Variants in TTL observed in about 807,000 individuals in gnomAD.
TTL encodes the protein tubulin--tyrosine ligase.
Under a neutral mutation model 41.1 loss-of-function variants are expected in TTL, and 10 were observed. The ratio of observed to expected loss-of-function variants is 0.24; its 90% CI spans 0.15 to 0.41. TTL has a LOEUF of 0.41. Ranked by LOEUF, TTL falls within the 10% of genes least tolerant of loss-of-function variation. The probability of loss-of-function intolerance (pLI) is 1.00; values close to 1 mark genes in which losing one functional copy is unlikely to be tolerated. For missense variants in TTL, 367 were observed against 460.4 expected, an observed-to-expected ratio of 0.80 and a Z score of 1.86; for synonymous variants, 175 against 175.5, an observed-to-expected ratio of 1.00 and a Z score of 0.02.
intron 2 of TTL, among the ~76,000 whole-genome samples, chr2:112,491,206 T>C (rs926291010): frequency 1.3e-5 from 2 of 152,064 alleles, no homozygotes; most frequent in Admixed American, 1.3e-4. Context: ...TTAGCCAGGA[T>C]GGTCTTGATC....
rs1271859105 is a variant in TTL, at chr2:112,540,648, A to C, written c.*11853A>C. On this transcript the variant is annotated 3_prime_UTR_variant, in exon 7 of 7. Coordinates refer to ENST00000233336, the MANE Select transcript of TTL (RefSeq NM_153712.5). ...AATGTAGATAGACATACAGATCAAG[A>C]GAATAGAACTGAGAGTCAAAAATAA... The C allele has an allele frequency of 6.6e-6, 1 of 152,234 alleles. No homozygotes were observed. Among genetic ancestry groups the C allele is most frequent in the Admixed American group, 6.5e-5 (1 of 15,288 alleles). The allele number at this position is 152,234 out of a possible 1,614,324, so 9.4% of individuals were successfully genotyped here. A position where few individuals can be genotyped will look rare whatever the true frequency, so the allele number is the denominator to read the frequency against.
intron 5 of TTL, among the ~76,000 whole-genome samples, chr2:112,512,962 A>T (rs1681964300): frequency 6.8e-6 from 1 of 147,088 alleles, no homozygotes. Context: ...ATTTTTTTTT[A>T]GTGCTTTTTT....
At chr2:112,513,586 C>G (rs1270619045) in intron 5 of TTL, among the ~76,000 whole-genome samples, 1 of 147,804 alleles carries the variant, frequency 6.8e-6, no homozygotes, top group Non-Finnish European at 1.5e-5. Flanking sequence ...AATATTTATA[C>G]AAGTATAAAT....
At chr2:112,503,758 G>A (rs1478470072) in intron 5 of TTL, among the ~76,000 whole-genome samples, 1 of 137,984 alleles carries the variant, frequency 7.2e-6, no homozygotes, top group African/African-American at 2.6e-5. Context: ...ACACGTTGAT[G>A]AAAAGTACAA....
chr2:112,520,298 G>T lies in TTL; in HGVS notation c.892G>T (p.Val298Leu), dbSNP rs145289543. ...KHIIRNCLLS[V>L]EPAISTKHLP... is the part of the protein sequence containing the mutation. ...GCCTCATAGGAACTGCCTCCTGAGC[G>T]TGGAGCCTGCCATTAGCACCAAGCA... Residue 298 changes from valine to leucine, a missense_variant, in exon 6 of 7, where the codon GTG (valine) becomes TTG (leucine). By Grantham distance (32) the Val-to-Leu change is conservative (BLOSUM62 1). Transcript: ENST00000233336. The T allele has an allele frequency of 6.2e-7, 1 of 1,614,028 alleles. No individual in the cohort carries two copies. The highest frequency in any genetic ancestry group is 8.5e-7 in the Non-Finnish European group (1 of 1,179,990).
chr2:112,509,300 C>G (rs1273981802), intron 5 of TTL, among the ~76,000 whole-genome samples: 1 of 150,436 alleles, frequency 6.6e-6, no homozygotes, highest in African/African-American at 2.4e-5. Flanking sequence ...GAGGTGGAGC[C>G]TACAGAGGCA....
chr2:112,509,274 C>T (rs1441337299), intron 5 of TTL, among the ~76,000 whole-genome samples: 1 of 147,752 alleles, frequency 6.8e-6, no homozygotes, highest in East Asian at 2.1e-4. Flanking sequence ...TTTTGTTTGT[C>T]TGTGCCCTGC....
intron 3 of TTL, among the ~76,000 whole-genome samples, chr2:112,500,865 T>C (rs899602773): frequency 4.7e-5 from 7 of 150,260 alleles, no homozygotes; most frequent in Non-Finnish European, 8.9e-5. Flanking sequence ...GGATTTATTG[T>C]TGTTATAGTC....
chr2:112,540,318 TCTCA>T lies in TTL; in HGVS notation c.*11524_*11527del, dbSNP rs1682689096. ...CAGGCATGGTGGTGCATGCCTGTAA[TCTCA>T]GCTATTTGGGAGGCTGAGGCAGGAG... On this transcript the variant is annotated 3_prime_UTR_variant, in exon 7 of 7. Coordinates refer to ENST00000233336, the MANE Select transcript of TTL (RefSeq NM_153712.5). 6.6e-6 allele frequency: 1 copy of T among 151,800 alleles called. No individual in the cohort carries two copies. Among genetic ancestry groups the T allele is most frequent in the Non-Finnish European group, 1.5e-5 (1 of 68,030 alleles). 9.4% of individuals were successfully genotyped at this position (151,800 alleles called of 1,614,324 possible).
intron 3 of TTL, among the ~76,000 whole-genome samples, chr2:112,498,396 A>G (rs561634881): frequency 6.6e-6 from 1 of 152,186 alleles, no homozygotes; most frequent in Non-Finnish European, 1.5e-5. Context: ...TATAAATTTA[A>G]CAAGACATGT....
At position 112,534,814 on chromosome 2, in the gene TTL, A is replaced by G. The variant is rs1408392426; in HGVS notation, c.*6019A>G. The stretch of plus-strand genomic sequence containing the variant: ...TATTCCTAAGAATGCAGAAGGCCAC[A>G]CACATGTGTAGGACTGTGCACATGC... On this transcript the variant is annotated 3_prime_UTR_variant, in exon 7 of 7. Transcript: ENST00000233336. The G allele has an allele frequency of 6.6e-6, 1 of 152,212 alleles. No homozygotes were observed. The highest frequency in any genetic ancestry group is 1.5e-5 in the Non-Finnish European group (1 of 68,042). 9.4% of individuals were successfully genotyped at this position (152,212 alleles called of 1,614,324 possible).
rs1682430175 is a variant in TTL, at chr2:112,528,746, C to A, written c.1085C>A (p.Pro362Gln). ...GCCATTTCCAGTGTCTTCCCACCCC[C>A]AGATGTGGAGCAACCTCAGACCCAG... ...DIAISSVFPP[P>Q]DVEQPQTQPA... Residue 362 changes from proline (P) to glutamine (Q), a missense_variant, in exon 7 of 7, where the codon CCA (proline) becomes CAA (glutamine). Physicochemically the swap from Pro to Gln is moderately conservative, Grantham distance 76. Coordinates refer to ENST00000233336, the MANE Select transcript of TTL (RefSeq NM_153712.5). 1.2e-6 allele frequency: 2 copies of A among 1,614,176 alleles called. No individual in the cohort carries two copies. Among genetic ancestry groups the A allele is most frequent in the Non-Finnish European group, 1.7e-6 (2 of 1,180,016 alleles).
chr2:112,527,211 T>C (rs1043939783), intron 6 of TTL, among the ~76,000 whole-genome samples: 8 of 152,246 alleles, frequency 5.3e-5, no homozygotes, highest in African/African-American at 1.9e-4. Flanking sequence ...CTTCCAATTA[T>C]GTGGTCGCTT....
chr2:112,519,704 T>C (rs1161114871), intron 5 of TTL, among the ~76,000 whole-genome samples: 1 of 152,130 alleles, frequency 6.6e-6, no homozygotes, highest in Non-Finnish European at 1.5e-5. Flanking sequence ...GAGGCCACAA[T>C]GACTCGGCAC....
rs1682575049 is a variant in TTL at position 112,535,053 on chromosome 2, T to C, written c.*6258T>C. 7.1e-6 allele frequency: 1 copy of C among 139,978 alleles called. No individual in the cohort carries two copies. The highest frequency in any genetic ancestry group is 1.6e-5 in the Non-Finnish European group (1 of 63,468). The allele number at this position is 139,978 out of a possible 1,614,324, so 8.7% of individuals were successfully genotyped here. ...GGAGGGAGGGAAGAAAAGAGAAAGA[T>C]TGAGAAAGAAAAAAGAGAAAGAAGA... On this transcript the variant is annotated 3_prime_UTR_variant, in exon 7 of 7. Transcript: ENST00000233336.
intron 2 of TTL, among the ~76,000 whole-genome samples, chr2:112,491,242 C>T (rs896043534): frequency 2.0e-5 from 3 of 152,208 alleles, no homozygotes; most frequent in African/African-American, 7.2e-5. Flanking sequence ...CCGCCTGCCT[C>T]AGCCTCCCAA....
intron 6 of TTL, among the ~76,000 whole-genome samples, chr2:112,524,491 C>T (rs536925450): frequency 9.3e-4 from 142 of 152,314 alleles, no homozygotes; most frequent in African/African-American, 3.2e-3. Context: ...ACCATTCTAA[C>T]TGGTGTGAGA....
chr2:112,513,517 G>A (rs1279354643), intron 5 of TTL, among the ~76,000 whole-genome samples: 2 of 151,320 alleles, frequency 1.3e-5, no homozygotes, highest in Admixed American at 6.6e-5. Flanking sequence ...CTGAGAATGT[G>A]TTTATTTCAC....
rs984536914 is a variant in TTL at position 112,482,245 on chromosome 2, G to T, written c.-100G>T. 1.1e-6 allele frequency: 1 copy of T among 900,442 alleles called. No homozygotes were observed. The highest frequency in any genetic ancestry group is 1.3e-6 in the Non-Finnish European group (1 of 755,790). The allele number at this position is 900,442 out of a possible 1,614,324, so 55.8% of individuals were successfully genotyped here. On this transcript the variant is annotated 5_prime_UTR_variant, in exon 1 of 7. Transcript: ENST00000233336. This position sits in a 1 kb window ranked among gnomAD's most constrained non-coding sequence, Gnocchi z 5.3. The stretch of plus-strand genomic sequence containing the variant: ...AGCCGGCGCGGGCGGCGGGGGCCGG[G>T]CCGCGGCGGGCGCCCGGGCGGGGTC...
Sources: allele counts gnomAD v4.1 joint callset (sites outside exome capture counted in the v4.1 genomes callset), GRCh38; gene constraint gnomAD v4.1.1; non-coding constraint Gnocchi (gnomAD v3.1); transcripts MANE v1.5; gene names NCBI Gene and HGNC (gene_info 2026-07-23, HGNC 2026-07-21).